Variants in APBB1 observed in about 807,000 individuals in gnomAD.
APBB1 encodes the protein amyloid beta precursor protein binding family B member 1, also known as adaptor protein FE65a2.
Under a neutral mutation model 78.4 loss-of-function variants are expected in APBB1, and 22 were observed. That is an observed-to-expected ratio of 0.28 (90% CI 0.20 to 0.40). The LOEUF (loss-of-function observed/expected upper bound fraction) is 0.40, where lower values mean the gene tolerates loss of function less well. Among genes scored for constraint, APBB1 ranks in the 10% least tolerant of loss-of-function variants. The pLI is 1.00. For synonymous variants in APBB1, 369 were observed against 372.7 expected (o/e 0.99, Z 0.12); for missense variants, 749 against 932.4 (o/e 0.80, Z 2.56).
At position 6,395,414 on chromosome 11, in the gene APBB1, G is replaced by T; in HGVS notation, c.*120C>A. ...TCCTAGGCAGGGAACCGTAGCTACT[G>T]GGGAGGGGCATATTTGGGAGGCCTG... On this transcript the variant is annotated 3_prime_UTR_variant, in exon 15 of 15. Coordinates refer to ENST00000609360, the MANE Select transcript of APBB1 (RefSeq NM_001164.5). The surrounding 1 kb of genome is among the most constrained non-coding windows in gnomAD (Gnocchi z 5.2). The T allele has an allele frequency of 9.0e-7, 1 of 1,114,556 alleles. No individual in the cohort carries two copies. Among genetic ancestry groups the T allele is most frequent in the Non-Finnish European group, 1.2e-6 (1 of 817,224 alleles). The allele number at this position is 1,114,556 out of a possible 1,614,324, so 69.0% of individuals were successfully genotyped here. A position where few individuals can be genotyped will look rare whatever the true frequency, so the allele number is the denominator to read the frequency against.
At position 6,410,801 on chromosome 11, in the gene APBB1, G is replaced by A. The variant is rs754728494; in HGVS notation, c.547C>T (p.Leu183=). 3 of 1,613,006 alleles carry A rather than the reference G, an allele frequency of 1.9e-6. No homozygotes were observed. Among genetic ancestry groups the A allele is most frequent in the Admixed American group, 3.3e-5 (2 of 59,968 alleles). ...CTGGGAGGGGCCTCCACACTCTCCA[G>A]GGGCTCAGGCAGCCCTGGGGGAGAA... ...LSSPPGLPEP[L]ESVEAPPRPQ... is the part of the protein sequence containing the mutation. Residue 183 remains leucine (L), a synonymous_variant, in exon 2 of 15, where the codon CTG becomes TTG. Transcript: ENST00000609360.
At chr11:6,404,262 G>A (rs565745731) in intron 2 of APBB1, among the ~76,000 whole-genome samples, 2 of 152,288 alleles carry the variant, frequency 1.3e-5, no homozygotes, top group Admixed American at 6.5e-5. Flanking sequence ...AAACACCAGG[G>A]TATGCAACAC....
chr11:6,405,162 G>A lies in APBB1; in HGVS notation c.722-1340C>T, dbSNP rs963383319. 110 of 1,189,020 alleles carry A rather than the reference G, an allele frequency of 9.3e-5. 1 individual carries two copies. Among genetic ancestry groups the A allele is most frequent in the Non-Finnish European group, 1.5e-5 (14 of 954,302 alleles). 73.7% of individuals were successfully genotyped at this position (1,189,020 alleles called of 1,614,324 possible). A position where few individuals can be genotyped will look rare whatever the true frequency, so the allele number is the denominator to read the frequency against. On this transcript the variant is annotated intron_variant, in intron 2 of 14. Coordinates refer to ENST00000609360, the MANE Select transcript of APBB1 (RefSeq NM_001164.5). ...GTGCCTAAGCCAAGCCCAGTCTTAG[G>A]GATACCAGGAGACTCAGCCCCTAAG...
rs570415967 is a variant in APBB1, at chr11:6,400,082, G to GT, written c.1672+906dup. 1.2e-3 allele frequency among the ~76,000 whole-genome samples: 184 copies of GT among 152,164 alleles called. 1 individual carries two copies. Among genetic ancestry groups the GT allele is most frequent in the Non-Finnish European group, 1.9e-3 (130 of 68,008 alleles). On this transcript the variant is annotated intron_variant, in intron 12 of 14. Coordinates refer to ENST00000609360, the MANE Select transcript of APBB1 (RefSeq NM_001164.5). The stretch of plus-strand genomic sequence containing the variant: ...TGTGTGATTATTTTATTAATTCCTG[G>GT]TTTTTTTCTACCATAACCTTCTATA...
At chr11:6,418,345 C>G (rs1443423960) in intron 1 of APBB1, among the ~76,000 whole-genome samples, 1 of 152,114 alleles carries the variant, frequency 6.6e-6, no homozygotes, top group Non-Finnish European at 1.5e-5. Flanking sequence ...GAGTGGAGTG[C>G]TTTTAAGAAT....
At position 6,396,320 on chromosome 11, in the gene APBB1, T is replaced by A; in HGVS notation, c.1673-105A>T. On this transcript the variant is annotated intron_variant, in intron 12 of 14. Transcript: ENST00000609360. ...AATCAAACCCAGGGCCTTTGCCCCA[T>A]CCCCACTTTGCCAGCCTACATTTTG... The A allele has an allele frequency of 7.2e-6, 7 of 976,500 alleles. No homozygotes were observed. The South Asian group carries it at 1.1e-4, about 16-fold the overall frequency. The allele number at this position is 976,500 out of a possible 1,614,324, so 60.5% of individuals were successfully genotyped here. A position where few individuals can be genotyped will look rare whatever the true frequency, so the allele number is the denominator to read the frequency against.
intron 1 of APBB1, among the ~76,000 whole-genome samples, chr11:6,412,233 A>G (rs1590790068): frequency 6.6e-6 from 1 of 151,470 alleles, no homozygotes; most frequent in Non-Finnish European, 1.5e-5. Context: ...GCTCACTGCA[A>G]CCTCTGCCTC....
rs951709103 is a variant in APBB1 at position 6,400,892 on chromosome 11, G to A, written c.1672+97C>T. The stretch of plus-strand genomic sequence containing the variant: ...TAAAGGGTAGGGAGACACCAAGCAT[G>A]AGGAAGGTCTGGTAGAAGAAGTATT... On this transcript the variant is annotated intron_variant, in intron 12 of 14. Coordinates refer to ENST00000609360, the MANE Select transcript of APBB1 (RefSeq NM_001164.5). 39 of 1,128,624 alleles carry A rather than the reference G, an allele frequency of 3.5e-5. No individual in the cohort carries two copies. The Admixed American group carries it at 5.9e-4, about 17-fold the overall frequency. 69.9% of individuals were successfully genotyped at this position (1,128,624 alleles called of 1,614,324 possible).
At chr11:6,404,643 A>G (rs1400160204) in intron 2 of APBB1, 3 of 1,536,290 alleles carry the variant, frequency 2.0e-6, no homozygotes, top group Non-Finnish European at 2.6e-6. Flanking sequence ...CTGCCGGCAG[A>G]GCCACACCAC....
At position 6,395,151 on chromosome 11, in the gene APBB1, T is replaced by A. The variant is rs1226040784; in HGVS notation, c.*383A>T. 1 of 228,380 alleles carries A rather than the reference T, an allele frequency of 4.4e-6. No individual in the cohort carries two copies. The highest frequency in any genetic ancestry group is 8.6e-6 in the Non-Finnish European group (1 of 116,006). 14.1% of individuals were successfully genotyped at this position (228,380 alleles called of 1,614,324 possible). ...CAGTGCAGACAGACTTTATTAGTGA[T>A]ATCAATACAGCAGAGGTGCCCATGG... On this transcript the variant is annotated 3_prime_UTR_variant, in exon 15 of 15. Coordinates refer to ENST00000609360, the MANE Select transcript of APBB1 (RefSeq NM_001164.5). This position sits in a 1 kb window ranked among gnomAD's most constrained non-coding sequence, Gnocchi z 5.2.
chr11:6,413,500 C>T lies in APBB1; in HGVS notation c.-14-2139G>A, dbSNP rs140914611. Among the ~76,000 whole-genome samples the T allele has an allele frequency of 5.0e-3, 758 of 152,290 alleles. 2 individuals are homozygous for T. The highest frequency in any genetic ancestry group is 7.5e-3 in the Non-Finnish European group (510 of 68,020). On this transcript the variant is annotated intron_variant, in intron 1 of 14. Coordinates refer to ENST00000609360, the MANE Select transcript of APBB1 (RefSeq NM_001164.5). ...TGCAGCTACCTGAGCAGGGCTTGCC[C>T]ATCTCTCCAGGTGCGGTGCGCCCAG...
At chr11:6,410,026 A>T (rs1465385840) in intron 2 of APBB1, among the ~76,000 whole-genome samples, 1 of 152,034 alleles carries the variant, frequency 6.6e-6, no homozygotes, top group Non-Finnish European at 1.5e-5. Context: ...GGCTGCTCCC[A>T]ACAGGCGTGA....
Position 6,403,382 on chromosome 11 carries a change from G to A in APBB1, c.977C>T (p.Pro326Leu). 6.2e-7 allele frequency: 1 copy of A among 1,614,130 alleles called. No homozygotes were observed. The highest frequency in any genetic ancestry group is 1.1e-5 in the South Asian group (1 of 91,088). ...AGGTTCCTTCAGTCCCAGCTCCATT[G>A]GGGCCTCATCACTGGGTTCATCCTT... ...FWKDEPSDEA[P>L]MELGLKEPEE... The change falls in exon 5 of 15, where the codon CCA (proline) becomes CTA (leucine). Residue 326 changes from proline to leucine, a missense_variant. Coordinates refer to ENST00000609360, the MANE Select transcript of APBB1 (RefSeq NM_001164.5). This position sits in a 1 kb window ranked among gnomAD's most constrained non-coding sequence, Gnocchi z 5.3.
At chr11:6,409,601 A>G (rs1177161191) in intron 2 of APBB1, among the ~76,000 whole-genome samples, 2 of 152,134 alleles carry the variant, frequency 1.3e-5, no homozygotes, top group Non-Finnish European at 2.9e-5. Flanking sequence ...GCTCATCTGA[A>G]CTGCATGTTC....
At chr11:6,405,366 G>A in intron 2 of APBB1, 1 of 986,672 alleles carries the variant, frequency 1.0e-6, no homozygotes, top group Non-Finnish European at 1.2e-6. Flanking sequence ...GGGCTTCCCA[G>A]CACCACCCCC....
Position 6,404,997 on chromosome 11 carries a change from A to C in APBB1, c.722-1175T>G, listed in dbSNP as rs1848736486. The C allele has an allele frequency of 2.8e-6, 4 of 1,428,954 alleles. No individual in the cohort carries two copies. The South Asian group carries it at 6.0e-5, about 21-fold the overall frequency. The allele number at this position is 1,428,954 out of a possible 1,614,324, so 88.5% of individuals were successfully genotyped here. On this transcript the variant is annotated intron_variant, in intron 2 of 14. Transcript: ENST00000609360. The stretch of plus-strand genomic sequence containing the variant: ...AGGGGCCAGGACCACCATGCTAGGG[A>C]ATCTCCTTGGGGGGTGGGGAAGGGA...
intron 1 of APBB1, among the ~76,000 whole-genome samples, chr11:6,418,755 G>A (rs913605256): frequency 2.6e-5 from 4 of 152,196 alleles, no homozygotes; most frequent in Admixed American, 6.5e-5. Context: ...ACCCCGAGGG[G>A]CAGGAGGTAA....
Position 6,401,594 on chromosome 11 carries a change from G to A in APBB1, c.1483C>T (p.Leu495=), listed in dbSNP as rs759024581. The change falls in exon 10 of 15, where the codon CTG becomes TTG. Residue 495 remains leucine, a synonymous_variant. Transcript: ENST00000609360. This position sits in a 1 kb window ranked among gnomAD's most constrained non-coding sequence, Gnocchi z 4.5. The part of the protein sequence containing the change: ...EAPAKNIATS[L]HEICSKIMAE... The stretch of plus-strand genomic sequence containing the variant: ...CGTGCCTTAGAGCAGATCTCATGCA[G>A]GCTGGTGGCGATGTTCTTGGCAGGT... 6.2e-7 allele frequency: 1 copy of A among 1,614,216 alleles called. No homozygotes were observed. The highest frequency in any genetic ancestry group is 1.1e-5 in the South Asian group (1 of 91,082).
Position 6,395,815 on chromosome 11 carries a change from G to A in APBB1, c.1936C>T (p.Leu646Phe). Residue 646 changes from leucine (L) to phenylalanine (F), a missense_variant, in exon 14 of 15, where the codon CTC becomes TTC. Physicochemically the swap from Leu to Phe is conservative, Grantham distance 22. This residue lies in a region of APBB1 where 96 missense variants were observed against 116.0 expected (regional missense o/e 0.83). Coordinates refer to ENST00000609360, the MANE Select transcript of APBB1 (RefSeq NM_001164.5). The surrounding 1 kb of genome is among the most constrained non-coding windows in gnomAD (Gnocchi z 5.2). ...MFWCEPNAASLSEAVQAACML... is the reference protein window; with the variant it reads ...MFWCEPNAASFSEAVQAACML... Reference sequence around the variant, plus strand: ...CACGCAGCCTGCACAGCCTCTGAGAGGCTGGCAGCATTGGGCTCGCACCAG... The same window carrying A: ...CACGCAGCCTGCACAGCCTCTGAGAAGCTGGCAGCATTGGGCTCGCACCAG... 6.2e-7 allele frequency: 1 copy of A among 1,614,086 alleles called. No individual in the cohort carries two copies. Among genetic ancestry groups the A allele is most frequent in the Non-Finnish European group, 8.5e-7 (1 of 1,180,006 alleles).
Sources: gnomAD v4.1 joint callset for allele counts (sites outside exome capture counted in the v4.1 genomes callset) on GRCh38, gnomAD v4.1.1 for gene constraint, gnomAD v4.1.1 regional missense constraint, Gnocchi (gnomAD v3.1) non-coding constraint, MANE v1.5 for transcripts, NCBI Gene and HGNC (gene_info 2026-07-23, HGNC 2026-07-21) for gene names.